The following ASTN2 variants were observed in gnomAD, a reference collection of about 807,000 sequenced individuals.
ASTN2 encodes the protein astrotactin-2.
A neutral mutation model predicts 139.8 loss-of-function variants in ASTN2; 54 were observed. The ratio of observed to expected loss-of-function variants is 0.39; its 90% CI spans 0.31 to 0.48. The LOEUF is 0.48. Ranked by LOEUF, ASTN2 falls within the 20% of genes least tolerant of loss-of-function variation. The pLI is 0.95. For synonymous variants in ASTN2, 756 were observed against 719.5 expected, an observed-to-expected ratio of 1.05 and a Z score of -0.81; for missense variants, 1,565 against 1,725.1, an observed-to-expected ratio of 0.91 and a Z score of 1.64.
At chr9:116,794,102 T>G (rs990561626) in intron 13 of ASTN2, among the ~76,000 whole-genome samples, 2 of 149,988 alleles carry the variant, frequency 1.3e-5, no homozygotes, top group African/African-American at 4.9e-5. Flanking sequence ...ACACCTTTTT[T>G]TTTTTTTTTT....
rs750466433 is a variant in ASTN2, at chr9:116,698,486, G to A, written c.2806+27285C>T. The A allele has an allele frequency of 1.9e-5, 30 of 1,613,794 alleles. No homozygotes were observed. The South Asian group carries it at 3.0e-4, about 16-fold the overall frequency. ...ACTACTTCCTGGCCAAGATCAAGCAGGCAGATGTAGCACTACTGGAGGAGA... is the reference window on the plus strand; with the variant it reads ...ACTACTTCCTGGCCAAGATCAAGCAAGCAGATGTAGCACTACTGGAGGAGA... On this transcript the variant is annotated intron_variant, in intron 16 of 22. Coordinates refer to ENST00000313400, the MANE Select transcript of ASTN2 (RefSeq NM_001365068.1). The surrounding 1 kb of genome is among the most constrained non-coding windows in gnomAD (Gnocchi z 4.4).
At chr9:117,232,789 T>C (rs1179657194) in intron 2 of ASTN2, among the ~76,000 whole-genome samples, 2 of 151,980 alleles carry the variant, frequency 1.3e-5, no homozygotes, top group Non-Finnish European at 2.9e-5. Context: ...TTGGGAGCAA[T>C]TTTTTTTCTT....
intron 10 of ASTN2, among the ~76,000 whole-genome samples, chr9:116,868,617 T>C (rs1387400408): frequency 6.6e-6 from 1 of 152,216 alleles, no homozygotes; most frequent in African/African-American, 2.4e-5. Context: ...TTAAGTTTAC[T>C]AGAAGGGCCA....
intron 10 of ASTN2, among the ~76,000 whole-genome samples, chr9:116,928,593 T>A (rs1834820042): frequency 6.6e-6 from 1 of 152,030 alleles, no homozygotes; most frequent in Non-Finnish European, 1.5e-5. Context: ...TTATAAATCA[T>A]ACACTCCATG....
At chr9:117,335,111 C>G (rs1828841798) in intron 1 of ASTN2, among the ~76,000 whole-genome samples, 1 of 152,130 alleles carries the variant, frequency 6.6e-6, no homozygotes, top group African/African-American at 2.4e-5. Context: ...CTTGCACCCC[C>G]AGGGGCTCAC....
intron 10 of ASTN2, among the ~76,000 whole-genome samples, chr9:116,891,612 G>C (rs1833763239): frequency 6.6e-6 from 1 of 152,214 alleles, no homozygotes; most frequent in South Asian, 2.1e-4. Context: ...ATGCAGGCAG[G>C]CTCTATGACA....
At chr9:117,197,042 C>A (rs771723865) in intron 3 of ASTN2, 2 of 152,148 alleles carry the variant, frequency 1.3e-5, no homozygotes, top group Non-Finnish European at 2.9e-5. Flanking sequence ...TCATGCTTTA[C>A]AAGAATAGCT....
At chr9:116,868,338 A>G (rs1833070048) in intron 10 of ASTN2, among the ~76,000 whole-genome samples, 1 of 152,176 alleles carries the variant, frequency 6.6e-6, no homozygotes, top group East Asian at 1.9e-4. Context: ...GGCGTGATGC[A>G]GTGAGGCCAG....
intron 3 of ASTN2, among the ~76,000 whole-genome samples, chr9:117,147,001 A>C (rs1404540901): frequency 2.6e-5 from 4 of 152,192 alleles, no homozygotes; most frequent in African/African-American, 9.7e-5. Context: ...ATATCAAAAT[A>C]TCATACCGTA....
At chr9:117,391,431 G>A (rs1167916300) in intron 1 of ASTN2, among the ~76,000 whole-genome samples, 2 of 152,110 alleles carry the variant, frequency 1.3e-5, no homozygotes, top group Non-Finnish European at 2.9e-5. Context: ...ATGGCAGCAG[G>A]CAAAAACAGC....
At chr9:116,505,319 G>A (rs1020233847) in intron 19 of ASTN2, among the ~76,000 whole-genome samples, 2 of 151,792 alleles carry the variant, frequency 1.3e-5, no homozygotes, top group Non-Finnish European at 2.9e-5. Flanking sequence ...GTTGGTTCCC[G>A]CTCAGCTTTT....
chr9:117,381,999 A>T (rs1292357491), intron 1 of ASTN2, among the ~76,000 whole-genome samples: 1 of 152,176 alleles, frequency 6.6e-6, no homozygotes, highest in Non-Finnish European at 1.5e-5. Context: ...TGCTGGGAGC[A>T]AGAGAGAGTG....
chr9:117,290,012 G>A (rs1834548164), intron 2 of ASTN2, among the ~76,000 whole-genome samples: 1 of 152,186 alleles, frequency 6.6e-6, no homozygotes. Context: ...ACGAGAAAGA[G>A]ACTAAAACTA....
intron 20 of ASTN2, among the ~76,000 whole-genome samples, chr9:116,484,667 T>A (rs1284525110): frequency 2.0e-5 from 3 of 152,120 alleles, no homozygotes; most frequent in African/African-American, 7.2e-5. Context: ...GCCATTAACA[T>A]CATCCATTTC....
intron 3 of ASTN2, among the ~76,000 whole-genome samples, chr9:117,177,571 T>C (rs1450869563): frequency 6.6e-6 from 1 of 152,144 alleles, no homozygotes; most frequent in African/African-American, 2.4e-5. Flanking sequence ...ATATTTTCAG[T>C]GTAAAACTCA....
intron 16 of ASTN2, among the ~76,000 whole-genome samples, chr9:116,724,681 G>A (rs1828567483): frequency 6.6e-6 from 1 of 152,190 alleles, no homozygotes; most frequent in Non-Finnish European, 1.5e-5. Context: ...CCCACATTTT[G>A]TGGTTTTTTG....
intron 5 of ASTN2, among the ~76,000 whole-genome samples, chr9:117,059,545 G>A (rs926877691): frequency 6.6e-6 from 1 of 151,966 alleles, no homozygotes; most frequent in African/African-American, 2.4e-5. Context: ...CCTGGGAGGT[G>A]GAGGTTGCAG....
rs112998329 is a variant in ASTN2, at chr9:117,146,836, T to C, written c.1016-5358A>G. On this transcript the variant is annotated intron_variant, in intron 3 of 22. Transcript: ENST00000313400. ...AGGACTAAGTTCTAGTGTTCTATAG[T>C]GCTGTAGGGTGACTGTAGTAAACAA... is the stretch of plus-strand genomic sequence containing the variant. Among the ~76,000 whole-genome samples, 9 of 152,260 alleles carry C rather than the reference T, an allele frequency of 5.9e-5. 1 individual carries two copies. The highest frequency in any genetic ancestry group is 2.2e-4 in the African/African-American group (9 of 41,552).
At position 116,638,535 on chromosome 9, in the gene ASTN2, C is replaced by CAA. The variant is rs35046233; in HGVS notation, c.3072+12991_3072+12992dup. 3.7e-3 allele frequency among the ~76,000 whole-genome samples: 546 copies of CAA among 146,908 alleles called. 6 individuals are homozygous for CAA. The highest frequency in any genetic ancestry group is 0.01 in the African/African-American group (403 of 39,832). On this transcript the variant is annotated intron_variant, in intron 17 of 22. Coordinates refer to ENST00000313400, the MANE Select transcript of ASTN2 (RefSeq NM_001365068.1). The stretch of plus-strand genomic sequence containing the variant: ...TTCAATATGGGCTGTGGGGAATTGC[C>CAA]AAAAAAAAAACCATCAAGCCCGATC...
Sources: gnomAD v4.1 joint callset for allele counts (sites outside exome capture counted in the v4.1 genomes callset) on GRCh38, gnomAD v4.1.1 for gene constraint, Gnocchi (gnomAD v3.1) non-coding constraint, MANE v1.5 for transcripts, NCBI Gene and HGNC (gene_info 2026-07-23, HGNC 2026-07-21) for gene names.